The following TTC7A variants were observed in gnomAD, a reference collection of about 807,000 sequenced individuals.
The protein encoded by TTC7A is tetratricopeptide repeat domain 7A.
A neutral mutation model predicts 103.7 loss-of-function variants in TTC7A; 110 were observed. That is an observed-to-expected ratio of 1.06 (90% CI 0.91 to 1.24). The LOEUF (loss-of-function observed/expected upper bound fraction) is 1.24, where lower values mean the gene tolerates loss of function less well. TTC7A is among the 50% of genes most tolerant of loss of function. The pLI is 0.00. For synonymous variants in TTC7A, 521 were observed against 467.9 expected (o/e 1.11, Z -1.47); for missense variants, 1,340 against 1,116.3 (o/e 1.20, Z -2.86).
intron 3 of TTC7A, among the ~76,000 whole-genome samples, chr2:46,966,440 C>T (rs1301731455): frequency 6.6e-6 from 1 of 152,134 alleles, no homozygotes; most frequent in African/African-American, 2.4e-5. Context: ...TAAGTTCATA[C>T]AGTCATGTTT....
At chr2:47,051,102 A>T (rs982366382) in intron 17 of TTC7A, among the ~76,000 whole-genome samples, 1 of 152,246 alleles carries the variant, frequency 6.6e-6, no homozygotes, top group Non-Finnish European at 1.5e-5. Context: ...AGTCCTTCAC[A>T]GCACAGCCTT....
intron 15 of TTC7A, among the ~76,000 whole-genome samples, chr2:47,041,275 G>T (rs1478651252): frequency 6.6e-6 from 1 of 152,228 alleles, no homozygotes; most frequent in Non-Finnish European, 1.5e-5. Flanking sequence ...ACAGGCTCCA[G>T]GACTAGGCAG....
intron 2 of TTC7A, among the ~76,000 whole-genome samples, chr2:46,921,476 T>C (rs947712952): frequency 7.9e-4 from 120 of 152,372 alleles, no homozygotes; most frequent in African/African-American, 2.7e-3. Flanking sequence ...CTTAATAGTC[T>C]AGTCATTCTG....
intron 3 of TTC7A, among the ~76,000 whole-genome samples, chr2:46,969,025 C>A (rs1673114051): frequency 6.6e-6 from 1 of 151,840 alleles, no homozygotes; most frequent in Non-Finnish European, 1.5e-5. Flanking sequence ...GCCTCAGCTC[C>A]CACAGTGCTG....
intron 16 of TTC7A, 90 bp from the exon 17 acceptor site, chr2:47,049,859 C>A: frequency 2.1e-6 from 2 of 953,972 alleles, no homozygotes; most frequent in East Asian, 2.6e-5. Flanking sequence ...TTCTCCCTGC[C>A]AGTCCTTGTG....
intron 8 of TTC7A, chr2:46,999,918 T>G: frequency 7.1e-6 from 7 of 984,386 alleles, no homozygotes; most frequent in Non-Finnish European, 8.4e-6. Flanking sequence ...CCTGGGACTC[T>G]GCAGATTAAC....
intron 3 of TTC7A, among the ~76,000 whole-genome samples, chr2:46,970,820 T>C (rs1221248275): frequency 1.3e-5 from 2 of 152,210 alleles, no homozygotes; most frequent in African/African-American, 4.8e-5. Context: ...CCCCTCCTGG[T>C]TGTGAGTCAT....
At chr2:47,052,257 T>C (rs1682921622) in intron 18 of TTC7A, among the ~76,000 whole-genome samples, 1 of 152,206 alleles carries the variant, frequency 6.6e-6, no homozygotes, top group African/African-American at 2.4e-5. Context: ...GAGGAAAGAC[T>C]GGTAACTTTG....
intron 18 of TTC7A, among the ~76,000 whole-genome samples, chr2:47,055,877 C>T (rs367756061): frequency 7.6e-4 from 115 of 152,230 alleles, no homozygotes; most frequent in African/African-American, 2.7e-3. Flanking sequence ...AAGCCATAGT[C>T]CAGGGAGAAG....
intron 3 of TTC7A, among the ~76,000 whole-genome samples, chr2:46,960,209 T>A (rs1235390450): frequency 1.3e-5 from 2 of 152,208 alleles, no homozygotes; most frequent in African/African-American, 4.8e-5. Context: ...TCCCTGGTCC[T>A]GCCTTCAGCT....
chr2:47,059,493 C>T (rs1006620425), intron 18 of TTC7A, among the ~76,000 whole-genome samples: 4 of 152,102 alleles, frequency 2.6e-5, no homozygotes, highest in African/African-American at 4.8e-5. Flanking sequence ...CCCTCCTTTG[C>T]CCCTGAGCTG....
chr2:46,968,273 C>A (rs746927300), intron 3 of TTC7A, among the ~76,000 whole-genome samples: 2 of 152,220 alleles, frequency 1.3e-5, no homozygotes, highest in Non-Finnish European at 2.9e-5. Context: ...GGTATTGGCA[C>A]AGAAAGGCCC....
rs79955986 is a variant in TTC7A at position 47,046,513 on chromosome 2, G to T, written c.1919+82G>T. On this transcript the variant is annotated intron_variant, in intron 16 of 19. Transcript: ENST00000319190. ...CCACAGCTGGGTGGCCACCATGCCTGCCAAGATGGGGAGGAGAGTGAGGCT... is the reference window on the plus strand; with the variant it reads ...CCACAGCTGGGTGGCCACCATGCCTTCCAAGATGGGGAGGAGAGTGAGGCT... 5,110 of 1,054,812 alleles carry T rather than the reference G, an allele frequency of 4.8e-3. 189 individuals are homozygous for T. In the African/African-American group the frequency reaches 0.071, roughly 15 times the overall value. The allele number at this position is 1,054,812 out of a possible 1,614,324, so 65.3% of individuals were successfully genotyped here. A position where few individuals can be genotyped will look rare whatever the true frequency, so the allele number is the denominator to read the frequency against.
At chr2:46,971,285 A>G (rs1673333203) in intron 3 of TTC7A, among the ~76,000 whole-genome samples, 1 of 152,258 alleles carries the variant, frequency 6.6e-6, no homozygotes, top group African/African-American at 2.4e-5. Flanking sequence ...AATATCGGGA[A>G]GGGCTTTGTA....
intron 14 of TTC7A, among the ~76,000 whole-genome samples, chr2:47,026,640 C>T (rs1305517094): frequency 5.9e-5 from 9 of 151,688 alleles, no homozygotes; most frequent in Non-Finnish European, 8.8e-5. Flanking sequence ...CCTGAGAGCA[C>T]GTGCCTTCAG....
intron 11 of TTC7A, among the ~76,000 whole-genome samples, chr2:47,014,995 G>A (rs552757822): frequency 5.9e-5 from 9 of 152,258 alleles, no homozygotes; most frequent in African/African-American, 9.6e-5. Context: ...GCATGGTCAC[G>A]TGCTGGCTGG....
At chr2:46,917,609 T>A (rs1668881160) in intron 2 of TTC7A, among the ~76,000 whole-genome samples, 1 of 152,230 alleles carries the variant, frequency 6.6e-6, no homozygotes, top group African/African-American at 2.4e-5. Context: ...TTTCATTTTT[T>A]TCCTATGGAT....
chr2:47,000,490 C>G (rs11886538), intron 8 of TTC7A, among the ~76,000 whole-genome samples: 3 of 152,226 alleles, frequency 2.0e-5, no homozygotes, highest in African/African-American at 7.2e-5. Flanking sequence ...GCTGCAGGAA[C>G]CTGACGCAGC....
chr2:47,035,797 G>C (rs1032376880), intron 15 of TTC7A, among the ~76,000 whole-genome samples: 1 of 152,216 alleles, frequency 6.6e-6, no homozygotes, highest in Non-Finnish European at 1.5e-5. Context: ...TAGCAGGGGA[G>C]GCCCAGCCCC....
Sources: allele counts gnomAD v4.1 joint callset (sites outside exome capture counted in the v4.1 genomes callset), GRCh38; gene constraint gnomAD v4.1.1; transcripts MANE v1.5; gene names NCBI Gene and HGNC (gene_info 2026-07-23, HGNC 2026-07-21).